GANC: variants seen among roughly 807,000 people sequenced by gnomAD.
The protein encoded by GANC is neutral alpha-glucosidase C.
A neutral mutation model predicts 124.2 loss-of-function variants in GANC; 117 were observed. That is an observed-to-expected ratio of 0.94 (90% CI 0.81 to 1.10). GANC has a LOEUF of 1.10. GANC is among the 50% of genes least tolerant of loss of function. GANC has a pLI of 0.00. For missense variants in GANC, 1,140 were observed against 1,095.0 expected, an observed-to-expected ratio of 1.04 and a Z score of -0.58; for synonymous variants, 377 against 376.8, an observed-to-expected ratio of 1.00 and a Z score of -0.01.
intron 15 of GANC, among the ~76,000 whole-genome samples, chr15:42,333,041 T>TA (rs1298540867): frequency 3.3e-5 from 5 of 150,176 alleles, no homozygotes; most frequent in Non-Finnish European, 7.4e-5. Flanking sequence ...TATATATATT[T>TA]TTTTTGGTCA....
Position 42,321,919 on chromosome 15 carries a change from G to A in GANC, c.1192G>A (p.Asp398Asn), listed in dbSNP as rs1394557630. ...HDIPYDAMWL[D>N]IEHTEGKRYF... Reference sequence around the variant, plus strand: ...CATTCCTTATGATGCCATGTGGCTGGACATAGAGCACACTGAGGGCAAGAG... The same window carrying A: ...CATTCCTTATGATGCCATGTGGCTGAACATAGAGCACACTGAGGGCAAGAG... The change falls in exon 11 of 24, where the codon GAC becomes AAC. Residue 398 changes from aspartate (D) to asparagine (N), a missense_variant. Asp to Asn is a conservative substitution (Grantham distance 23). Transcript: ENST00000318010. 9.3e-6 allele frequency: 15 copies of A among 1,614,206 alleles called. No individual in the cohort carries two copies. In the South Asian group the frequency reaches 1.5e-4, roughly 17 times the overall value.
chr15:42,341,236 A>G lies in GANC; in HGVS notation c.2152+482A>G, dbSNP rs562603246. Among the ~76,000 whole-genome samples, 5 of 152,160 alleles carry G rather than the reference A, an allele frequency of 3.3e-5. 1 individual carries two copies. The South Asian group carries it at 1.0e-3, about 32-fold the overall frequency. On this transcript the variant is annotated intron_variant, in intron 18 of 23. Coordinates refer to ENST00000318010, the MANE Select transcript of GANC (RefSeq NM_198141.3). Reference sequence around the variant, plus strand: ...GCATTATTAGTAGGATCATACCTCCATTCTGTTGTGATGTAGCATTTCTCA... The same window carrying G: ...GCATTATTAGTAGGATCATACCTCCGTTCTGTTGTGATGTAGCATTTCTCA...
At position 42,327,443 on chromosome 15, in the gene GANC, G is replaced by A; in HGVS notation, c.1500+1G>A. The A allele has an allele frequency of 6.2e-7, 1 of 1,612,140 alleles. No homozygotes were observed. The highest frequency in any genetic ancestry group is 8.5e-7 in the Non-Finnish European group (1 of 1,178,494). On this transcript the variant is annotated splice_donor_variant, in intron 13 of 23. Transcript: ENST00000318010. LOFTEE classifies it high-confidence loss of function. Reference sequence around the variant, plus strand: ...TCTTTTTGCTTTCCCTGTTTATCAGGTTGGTTTTTATTCCTTTGTTCTTTT... The same window carrying A: ...TCTTTTTGCTTTCCCTGTTTATCAGATTGGTTTTTATTCCTTTGTTCTTTT...
intron 10 of GANC, 125 bp from the exon 11 acceptor site, chr15:42,321,660 C>T (rs750397551): frequency 2.8e-5 from 23 of 819,040 alleles, no homozygotes; most frequent in Non-Finnish European, 4.3e-5. Flanking sequence ...ACTGTGCTTT[C>T]TTCTCCTTGT....
At chr15:42,311,783 A>T (rs1414232445) in intron 10 of GANC, among the ~76,000 whole-genome samples, 2 of 152,112 alleles carry the variant, frequency 1.3e-5, no homozygotes, top group Non-Finnish European at 2.9e-5. Flanking sequence ...CTCTTCCAAC[A>T]TTGGGGATTA....
At position 42,273,587 on chromosome 15, in the gene GANC, G is replaced by C; in HGVS notation, c.-895G>C. 1 of 984,068 alleles carries C rather than the reference G, an allele frequency of 1.0e-6. No homozygotes were observed. The highest frequency in any genetic ancestry group is 1.5e-6 in the Non-Finnish European group (1 of 686,380). 61.0% of individuals were successfully genotyped at this position (984,068 alleles called of 1,614,324 possible). The stretch of plus-strand genomic sequence containing the variant: ...CGCCGTGAGACTTTGGACCTACTGC[G>C]CAGGCGTCATCCTGTTGGAACCTGG... On this transcript the variant is annotated 5_prime_UTR_variant, in exon 1 of 24. Transcript: ENST00000318010.
chr15:42,287,808 A>G lies in GANC; in HGVS notation c.319A>G (p.Ser107Gly). ...TCCGGATGTCCTCACAAGCAAGCCA[A>G]GCACTGTAAGGTAAGCCAAGGAGCG... ...EVPDVLTSKP[S>G]TVRLISCSGD... Residue 107 changes from serine to glycine, a missense_variant, in exon 4 of 24, where the codon AGC becomes GGC. Transcript: ENST00000318010. The G allele has an allele frequency of 6.2e-7, 1 of 1,612,728 alleles. No homozygotes were observed. Among genetic ancestry groups the G allele is most frequent in the East Asian group, 2.2e-5 (1 of 44,844 alleles).
chr15:42,282,673 C>T (rs952000374), intron 3 of GANC, among the ~76,000 whole-genome samples: 1 of 152,156 alleles, frequency 6.6e-6, no homozygotes, highest in African/African-American at 2.4e-5. Flanking sequence ...TGAATTTCTC[C>T]CTCTCAATTC....
At chr15:42,332,645 A>G (rs929395249) in intron 15 of GANC, among the ~76,000 whole-genome samples, 4 of 152,194 alleles carry the variant, frequency 2.6e-5, no homozygotes, top group Admixed American at 2.0e-4. Flanking sequence ...CAAAATCATT[A>G]TGTAAATACG....
intron 15 of GANC, among the ~76,000 whole-genome samples, chr15:42,334,845 A>T (rs2052272121): frequency 6.6e-6 from 1 of 152,154 alleles, no homozygotes; most frequent in Non-Finnish European, 1.5e-5. Context: ...CACAATTAGG[A>T]ATTACAAAGG....
intron 6 of GANC, among the ~76,000 whole-genome samples, chr15:42,305,116 T>G (rs1384351741): frequency 2.0e-5 from 3 of 152,198 alleles, no homozygotes; most frequent in Admixed American, 6.5e-5. Flanking sequence ...AAATGGGATC[T>G]GATTAAACTG....
In GANC at chr15:42,273,399, C is replaced by T. The variant is rs1420031517; in HGVS notation, c.-1083C>T. 5.6e-6 allele frequency: 9 copies of T among 1,614,008 alleles called. No individual in the cohort carries two copies. Among genetic ancestry groups the T allele is most frequent in the Admixed American group, 1.7e-5 (1 of 60,030 alleles). Reference sequence around the variant, plus strand: ...CCTGAAGCCACGCAGCCGCCGCCATCTTCACAGCCGTGGAGTGCCTACCGA... The same window carrying T: ...CCTGAAGCCACGCAGCCGCCGCCATTTTCACAGCCGTGGAGTGCCTACCGA... On this transcript the variant is annotated 5_prime_UTR_variant, in exon 1 of 24. Coordinates refer to ENST00000318010, the MANE Select transcript of GANC (RefSeq NM_198141.3).
chr15:42,318,994 C>T (rs1441281435), intron 10 of GANC, among the ~76,000 whole-genome samples: 1 of 152,088 alleles, frequency 6.6e-6, no homozygotes, highest in Non-Finnish European at 1.5e-5. Context: ...TTGTATTATT[C>T]CTTAGATTAA....
chr15:42,296,785 A>G (rs2051896298), intron 5 of GANC, among the ~76,000 whole-genome samples: 1 of 151,968 alleles, frequency 6.6e-6, no homozygotes, highest in South Asian at 2.1e-4. Context: ...CTTTTATGTA[A>G]TAAAAGTATG....
intron 15 of GANC, among the ~76,000 whole-genome samples, chr15:42,333,203 C>A (rs2052260144): frequency 1.3e-5 from 2 of 151,688 alleles, no homozygotes; most frequent in Non-Finnish European, 2.9e-5. Flanking sequence ...TGGCACATGC[C>A]TGTAGTCCCA....
chr15:42,274,512 TAA>T lies in GANC; in HGVS notation c.29+4_29+5del. The T allele has an allele frequency of 6.2e-7, 1 of 1,608,774 alleles. No individual in the cohort carries two copies. The highest frequency in any genetic ancestry group is 1.1e-5 in the South Asian group (1 of 89,432). On this transcript the variant is annotated splice_donor_region_variant and intron_variant, in intron 1 of 23. Coordinates refer to ENST00000318010, the MANE Select transcript of GANC (RefSeq NM_198141.3). ...AGCAGCAGTGAAAGAGGAAATAAGG[TAA>T]AGGCCAAGTGCTTCTGTAGCGAGTG...
At chr15:42,343,432 C>T (rs1197160307) in intron 19 of GANC, 6 of 378,012 alleles carry the variant, frequency 1.6e-5, no homozygotes, top group South Asian at 9.5e-5. Context: ...ATAAACACAC[C>T]GAGGCTTGGG....
At chr15:42,351,239 G>C in intron 22 of GANC, 90 bp from the exon 23 acceptor site, 1 of 839,384 alleles carries the variant, frequency 1.2e-6, no homozygotes. Context: ...GGACAGATGG[G>C]AGAGGAACTC....
Position 42,338,385 on chromosome 15 carries a change from A to G in GANC, c.1742-4A>G. ...TTTTAATACATTGTTGCTGGTGACC[A>G]AAGGTGCCGTGTGGACAGGCGACAA... On this transcript the variant is annotated splice_polypyrimidine_tract_variant and splice_region_variant and intron_variant, in intron 15 of 23. Transcript: ENST00000318010. 1 of 1,610,188 alleles carries G rather than the reference A, an allele frequency of 6.2e-7. No individual in the cohort carries two copies. The highest frequency in any genetic ancestry group is 1.1e-5 in the South Asian group (1 of 90,824).
Sources: allele counts gnomAD v4.1 joint callset (sites outside exome capture counted in the v4.1 genomes callset), GRCh38; gene constraint gnomAD v4.1.1; transcripts MANE v1.5; gene names NCBI Gene and HGNC (gene_info 2026-07-23, HGNC 2026-07-21).